The following RSRC1 variants were observed in gnomAD, a reference collection of about 807,000 sequenced individuals.
The protein encoded by RSRC1 is serine/Arginine-related protein 53.
A neutral mutation model predicts 49.1 loss-of-function variants in RSRC1; 39 were observed. That is an observed-to-expected ratio of 0.79 (90% CI 0.61 to 1.04). The LOEUF is 1.04. RSRC1 is among the 50% of genes least tolerant of loss of function. The pLI is 0.00. For synonymous variants in RSRC1, 143 were observed against 130.8 expected, an observed-to-expected ratio of 1.09 and a Z score of -0.63; for missense variants, 388 against 402.4, an observed-to-expected ratio of 0.96 and a Z score of 0.31.
At chr3:158,527,996 A>G (rs1712150762) in intron 7 of RSRC1, among the ~76,000 whole-genome samples, 1 of 151,854 alleles carries the variant, frequency 6.6e-6, no homozygotes, top group Non-Finnish European at 1.5e-5. Flanking sequence ...GTATGTGTAT[A>G]TATATGTTTA....
chr3:158,459,271 G>A (rs764448403), intron 6 of RSRC1, among the ~76,000 whole-genome samples: 1 of 152,094 alleles, frequency 6.6e-6, no homozygotes, highest in Non-Finnish European at 1.5e-5. Context: ...CAACAAATCA[G>A]TAAGAAAGGA....
chr3:158,387,809 T>C (rs1733047433), intron 6 of RSRC1, among the ~76,000 whole-genome samples: 2 of 152,158 alleles, frequency 1.3e-5, no homozygotes, highest in South Asian at 4.1e-4. Flanking sequence ...TAAAAAGAAA[T>C]CATAGTTTGA....
intron 4 of RSRC1, among the ~76,000 whole-genome samples, chr3:158,282,909 TGGA>T (rs1444340380): frequency 6.6e-6 from 1 of 152,150 alleles, no homozygotes; most frequent in Non-Finnish European, 1.5e-5. Flanking sequence ...GAGAAGGTAT[TGGA>T]GGACTTTTGG....
At chr3:158,519,504 A>G (rs1259998063) in intron 7 of RSRC1, among the ~76,000 whole-genome samples, 1 of 151,672 alleles carries the variant, frequency 6.6e-6, no homozygotes, top group Non-Finnish European at 1.5e-5. Context: ...AGCATTCTAG[A>G]TGGAGGAAAC....
intron 3 of RSRC1, among the ~76,000 whole-genome samples, chr3:158,148,266 G>A (rs1717284861): frequency 6.6e-6 from 1 of 152,074 alleles, no homozygotes; most frequent in African/African-American, 2.4e-5. Flanking sequence ...ATTGTATGGG[G>A]TCATTGGAAT....
intron 7 of RSRC1, among the ~76,000 whole-genome samples, chr3:158,527,037 A>G (rs1712075834): frequency 6.6e-6 from 1 of 150,914 alleles, no homozygotes; most frequent in Admixed American, 6.6e-5. Flanking sequence ...CAAGTCAGTC[A>G]TCACCGTATC....
chr3:158,267,132 AT>A (rs1559968761), intron 4 of RSRC1, among the ~76,000 whole-genome samples: 1 of 151,996 alleles, frequency 6.6e-6, no homozygotes, highest in East Asian at 1.9e-4. Flanking sequence ...TTGATTGACA[AT>A]TTTTTTCTTT....
chr3:158,270,865 A>T (rs2108054489), intron 4 of RSRC1, among the ~76,000 whole-genome samples: 1 of 152,262 alleles, frequency 6.6e-6, no homozygotes, highest in South Asian at 2.1e-4. Flanking sequence ...ATTTTCCTAT[A>T]CATTTTTTCC....
At chr3:158,199,690 C>G (rs943713783) in intron 3 of RSRC1, among the ~76,000 whole-genome samples, 10 of 152,186 alleles carry the variant, frequency 6.6e-5, no homozygotes, top group African/African-American at 2.4e-4. Context: ...CTGCATCCCA[C>G]AAATTCTCAT....
chr3:158,260,432 A>G (rs1724825347), intron 4 of RSRC1, among the ~76,000 whole-genome samples: 1 of 152,066 alleles, frequency 6.6e-6, no homozygotes. Context: ...TTGGTATCCC[A>G]GTTGCAAGAC....
chr3:158,259,559 C>G (rs1296289670), intron 4 of RSRC1, among the ~76,000 whole-genome samples: 2 of 152,134 alleles, frequency 1.3e-5, no homozygotes, highest in African/African-American at 4.8e-5. Context: ...TGTGCATGGC[C>G]TGCGGTGATC....
chr3:158,489,154 C>A (rs1410675842), intron 7 of RSRC1, among the ~76,000 whole-genome samples: 1 of 152,196 alleles, frequency 6.6e-6, no homozygotes, highest in Non-Finnish European at 1.5e-5. Context: ...GTTATCTCGT[C>A]ACTAAAAGCA....
chr3:158,437,907 A>T (rs1736140177), intron 6 of RSRC1, among the ~76,000 whole-genome samples: 1 of 152,334 alleles, frequency 6.6e-6, no homozygotes, highest in South Asian at 2.1e-4. Flanking sequence ...ATGACTGTAT[A>T]TTTAGAAAAC....
intron 4 of RSRC1, among the ~76,000 whole-genome samples, chr3:158,276,724 T>C (rs1243513176): frequency 6.6e-6 from 1 of 152,198 alleles, no homozygotes; most frequent in African/African-American, 2.4e-5. Flanking sequence ...ATGGAAGAAG[T>C]TGATGATGTT....
chr3:158,439,894 C>G (rs762696108), intron 6 of RSRC1, among the ~76,000 whole-genome samples: 32 of 152,040 alleles, frequency 2.1e-4, no homozygotes, highest in Admixed American at 5.3e-4. Flanking sequence ...GCAACTAGCT[C>G]TGTCTAGAGT....
intron 4 of RSRC1, among the ~76,000 whole-genome samples, chr3:158,266,709 A>G (rs1449264595): frequency 6.6e-6 from 1 of 151,966 alleles, no homozygotes; most frequent in African/African-American, 2.4e-5. Context: ...ATCCCATTAT[A>G]TTTATCCTAA....
chr3:158,194,092 C>G, intron 3 of RSRC1, among the ~76,000 whole-genome samples: 1 of 70,976 alleles, frequency 1.4e-5, no homozygotes, highest in African/African-American at 5.6e-5. Context: ...CACACACACA[C>G]ACACACACAC....
chr3:158,167,728 G>T (rs577806062), intron 3 of RSRC1, among the ~76,000 whole-genome samples: 1 of 152,082 alleles, frequency 6.6e-6, no homozygotes, highest in Non-Finnish European at 1.5e-5. Context: ...TAACTACACT[G>T]GTAAATAATT....
chr3:158,232,698 G>A (rs1280904056), intron 4 of RSRC1, among the ~76,000 whole-genome samples: 1 of 151,910 alleles, frequency 6.6e-6, no homozygotes, highest in African/African-American at 2.4e-5. Context: ...TGGGGAGCAC[G>A]GCATAATTTT....
Sources: gnomAD v4.1 joint callset for allele counts (sites outside exome capture counted in the v4.1 genomes callset) on GRCh38, gnomAD v4.1.1 for gene constraint, MANE v1.5 for transcripts, NCBI Gene and HGNC (gene_info 2026-07-23, HGNC 2026-07-21) for gene names.